The following SOHLH2 variants were observed in gnomAD, a reference collection of about 807,000 sequenced individuals.
SOHLH2 encodes the protein spermatogenesis and oogenesis specific basic helix-loop-helix 2, also known as spermatogenesis- and oogenesis-specific basic helix-loop-helix-containing protein 2.
SOHLH2 carries 22 observed loss-of-function variants against 50.4 expected under a neutral mutation model. That is an observed-to-expected ratio of 0.44 (90% CI 0.31 to 0.62). SOHLH2 has a LOEUF of 0.62. SOHLH2 is among the 20% of genes least tolerant of loss of function. The probability of loss-of-function intolerance (pLI) is 0.08; values close to 1 mark genes in which losing one functional copy is unlikely to be tolerated. For missense variants in SOHLH2, 412 were observed against 504.4 expected, an observed-to-expected ratio of 0.82 and a Z score of 1.76; for synonymous variants, 185 against 187.3, an observed-to-expected ratio of 0.99 and a Z score of 0.10.
intron 1 of SOHLH2, among the ~76,000 whole-genome samples, chr13:36,209,699 C>A (rs1326465759): frequency 1.3e-5 from 2 of 152,218 alleles, no homozygotes; most frequent in African/African-American, 4.8e-5. Flanking sequence ...CACAAACATT[C>A]AGACTACAGC....
chr13:36,207,592 A>C (rs1378968484), intron 1 of SOHLH2, among the ~76,000 whole-genome samples: 1 of 152,222 alleles, frequency 6.6e-6, no homozygotes, highest in Non-Finnish European at 1.5e-5. Flanking sequence ...AATTAATATT[A>C]GCATAGTACT....
At position 36,183,586 on chromosome 13, in the gene SOHLH2, T is replaced by G. The variant is rs570128186; in HGVS notation, c.641+6360A>C. Among the ~76,000 whole-genome samples the G allele has an allele frequency of 1.1e-4, 17 of 152,198 alleles. 1 individual carries two copies. In the East Asian group the frequency reaches 3.3e-3, roughly 29 times the overall value. ...CTAATGAACACAAATAGAAAAATTG[T>G]GAACCTAAAACCGCACTTAACAGTA... On this transcript the variant is annotated intron_variant, in intron 6 of 10. Transcript: ENST00000379881.
chr13:36,173,836 G>A (rs1887029598), intron 8 of SOHLH2, 26 bp from the exon 9 acceptor site: 2 of 1,612,774 alleles, frequency 1.2e-6, no homozygotes, highest in African/African-American at 2.7e-5. Flanking sequence ...AAAATTATTT[G>A]CACATTTTTC....
chr13:36,189,136 CCTCT>C (rs1327197470), intron 6 of SOHLH2, among the ~76,000 whole-genome samples: 4 of 152,044 alleles, frequency 2.6e-5, no homozygotes, highest in African/African-American at 9.7e-5. Context: ...TTGGCTTATT[CCTCT>C]CTATCTCATT....
At chr13:36,188,001 A>T (rs1887468507) in intron 6 of SOHLH2, among the ~76,000 whole-genome samples, 1 of 152,076 alleles carries the variant, frequency 6.6e-6, no homozygotes, top group Non-Finnish European at 1.5e-5. Context: ...GTCTCTTGAA[A>T]CACTCTCTCT....
rs373705606 is a variant in SOHLH2 at position 36,176,377 on chromosome 13, T to C, written c.642-1508A>G. On this transcript the variant is annotated intron_variant, in intron 6 of 10. Coordinates refer to ENST00000379881, the MANE Select transcript of SOHLH2 (RefSeq NM_017826.3). ...CCAACATTAGAAAAATGTTCGAACA[T>C]AGAGAAAATTTGAAAGAATTATACA... 1.1e-4 allele frequency among the ~76,000 whole-genome samples: 17 copies of C among 152,234 alleles called. 1 individual carries two copies. In the East Asian group the frequency reaches 1.9e-3, roughly 17 times the overall value.
chr13:36,192,177 G>A (rs957466478), intron 4 of SOHLH2, among the ~76,000 whole-genome samples: 1 of 152,182 alleles, frequency 6.6e-6, no homozygotes, highest in South Asian at 2.1e-4. Flanking sequence ...ATTCGACTGA[G>A]TTATTTATCA....
chr13:36,171,470 A>C (rs1886959482), intron 9 of SOHLH2, among the ~76,000 whole-genome samples: 1 of 152,190 alleles, frequency 6.6e-6, no homozygotes, highest in African/African-American at 2.4e-5. Flanking sequence ...CTAGCCTTCA[A>C]CTTCCTGATG....
intron 2 of SOHLH2, among the ~76,000 whole-genome samples, chr13:36,199,767 G>A (rs1386286402): frequency 6.6e-6 from 1 of 152,102 alleles, no homozygotes; most frequent in Admixed American, 6.5e-5. Flanking sequence ...ACATAAAGCT[G>A]GTTCTTAAAC....
At chr13:36,194,537 T>C (rs1305541259) in intron 2 of SOHLH2, among the ~76,000 whole-genome samples, 5 of 152,186 alleles carry the variant, frequency 3.3e-5, no homozygotes, top group Non-Finnish European at 7.3e-5. Flanking sequence ...GAGCCAGATG[T>C]GGGTAACCGC....
In SOHLH2 at chr13:36,174,817, TTACA is replaced by T. The variant is rs768007716; in HGVS notation, c.690_693del (p.Tyr230Ter). 1.2e-5 allele frequency: 20 copies of T among 1,610,030 alleles called. No individual in the cohort carries two copies. The highest frequency in any genetic ancestry group is 1.6e-5 in the Non-Finnish European group (19 of 1,179,012). On this transcript the variant is annotated frameshift_variant, in exon 7 of 11. Transcript: ENST00000379881. LOFTEE classifies it high-confidence loss of function. Reference sequence around the variant, plus strand: ...GAAGCCGCATCATTCTTTCTCCCTTTTACATACGGCAAGAGAGTACGCAGCTGCT... The same window carrying T: ...GAAGCCGCATCATTCTTTCTCCCTTTTACGGCAAGAGAGTACGCAGCTGCT...
intron 2 of SOHLH2, 66 bp from the exon 3 acceptor site, chr13:36,193,933 T>G: frequency 6.7e-7 from 1 of 1,485,632 alleles, no homozygotes; most frequent in Non-Finnish European, 9.2e-7. Flanking sequence ...GATTCAGGAG[T>G]TTAGCTTATT....
chr13:36,170,382 C>T (rs1886929423), intron 10 of SOHLH2, 149 bp downstream of exon 10: 2 of 1,357,780 alleles, frequency 1.5e-6, no homozygotes, highest in African/African-American at 1.5e-5. Context: ...GACTGCACCT[C>T]CTTTTCACTC....
intron 1 of SOHLH2, among the ~76,000 whole-genome samples, chr13:36,208,726 T>C (rs986751225): frequency 4.2e-4 from 64 of 152,330 alleles, no homozygotes; most frequent in African/African-American, 1.5e-3. Context: ...TTTTACTGAA[T>C]TGCCGTACAG....
At chr13:36,201,462 A>C (rs1487879190) in intron 2 of SOHLH2, among the ~76,000 whole-genome samples, 3 of 142,390 alleles carry the variant, frequency 2.1e-5, no homozygotes, top group Non-Finnish European at 4.6e-5. Context: ...GACTCTCCCC[A>C]TGAAAATATC....
chr13:36,201,234 AG>A (rs1868401629), intron 2 of SOHLH2, among the ~76,000 whole-genome samples: 1 of 151,976 alleles, frequency 6.6e-6, no homozygotes, highest in African/African-American at 2.4e-5. Context: ...CTTCCTTATT[AG>A]TGTCTGCCAC....
At chr13:36,207,092 A>G (rs1039380041) in intron 1 of SOHLH2, among the ~76,000 whole-genome samples, 1 of 151,752 alleles carries the variant, frequency 6.6e-6, no homozygotes, top group Non-Finnish European at 1.5e-5. Flanking sequence ...ACTTTTGTAA[A>G]TAGCTTTTAA....
At chr13:36,193,914 A>C (rs755005538) in intron 2 of SOHLH2, 47 bp from the exon 3 acceptor site, 1 of 1,562,184 alleles carries the variant, frequency 6.4e-7, no homozygotes. Context: ...TCATTATTCA[A>C]AAAATTGAGA....
intron 10 of SOHLH2, among the ~76,000 whole-genome samples, chr13:36,169,754 T>C (rs1337897835): frequency 2.6e-5 from 4 of 152,218 alleles, no homozygotes; most frequent in African/African-American, 9.6e-5. Context: ...CTGCCAGGAC[T>C]GCTCTTGCCT....
Sources: allele counts gnomAD v4.1 joint callset (sites outside exome capture counted in the v4.1 genomes callset), GRCh38; gene constraint gnomAD v4.1.1; transcripts MANE v1.5; gene names NCBI Gene and HGNC (gene_info 2026-07-23, HGNC 2026-07-21).